The following PCDHGA12 variants were observed in gnomAD, a reference collection of about 807,000 sequenced individuals.
PCDHGA12 encodes protocadherin gamma subfamily A, 12, also known as protocadherin gamma-A12.
A neutral mutation model predicts 61.1 loss-of-function variants in PCDHGA12; 43 were observed. The ratio of observed to expected loss-of-function variants is 0.70; its 90% CI spans 0.55 to 0.91. The LOEUF (loss-of-function observed/expected upper bound fraction) is 0.91, where lower values mean the gene tolerates loss of function less well. Among genes scored for constraint, PCDHGA12 ranks in the 40% least tolerant of loss-of-function variants. PCDHGA12 has a pLI of 0.00. For synonymous variants in PCDHGA12, 520 were observed against 542.9 expected, an observed-to-expected ratio of 0.96 and a Z score of 0.59; for missense variants, 1,236 against 1,227.7, an observed-to-expected ratio of 1.01 and a Z score of -0.10.
intron 3 of PCDHGA12, chr5:141,508,179 AG>A (rs1250335236): frequency 1.3e-5 from 2 of 152,326 alleles, no homozygotes; most frequent in Non-Finnish European, 2.9e-5. Flanking sequence ...ACAGGAGAGA[AG>A]GCATCACCCC....
intron 1 of PCDHGA12, among the ~76,000 whole-genome samples, chr5:141,454,491 C>T (rs956727548): frequency 6.6e-6 from 1 of 152,194 alleles, no homozygotes; most frequent in South Asian, 2.1e-4. Context: ...ACCGCAACCT[C>T]CACCTCCTGG....
chr5:141,484,949 A>C, intron 1 of PCDHGA12: 1 of 557,400 alleles, frequency 1.8e-6, no homozygotes, highest in Non-Finnish European at 3.2e-6. Context: ...TGCTCAGCCT[A>C]TTGGCTGAGC....
chr5:141,447,954 C>T (rs927510517), intron 1 of PCDHGA12, among the ~76,000 whole-genome samples: 11 of 151,814 alleles, frequency 7.2e-5, no homozygotes, highest in Non-Finnish European at 1.2e-4. Flanking sequence ...GGCATGGTGG[C>T]GGACACCTAT....
At chr5:141,504,364 G>A (rs764741297) in intron 2 of PCDHGA12, among the ~76,000 whole-genome samples, 2 of 152,116 alleles carry the variant, frequency 1.3e-5, no homozygotes, top group African/African-American at 2.4e-5. Flanking sequence ...GCTTCAGTAG[G>A]AAGCAGGTGG....
At chr5:141,447,084 T>A (rs2098525776) in intron 1 of PCDHGA12, among the ~76,000 whole-genome samples, 1 of 152,186 alleles carries the variant, frequency 6.6e-6, no homozygotes, top group Non-Finnish European at 1.5e-5. Flanking sequence ...TTTTGTTGTT[T>A]AATTTTCTTT....
chr5:141,457,944 C>A (rs761151349), intron 1 of PCDHGA12, among the ~76,000 whole-genome samples: 33 of 152,310 alleles, frequency 2.2e-4, no homozygotes, highest in Non-Finnish European at 4.6e-4. Context: ...ATTGGCTCTG[C>A]ATGTCAAGCT....
chr5:141,454,587 G>A (rs1000852095), intron 1 of PCDHGA12, among the ~76,000 whole-genome samples: 22 of 150,902 alleles, frequency 1.5e-4, no homozygotes, highest in African/African-American at 5.4e-4. Context: ...TGTATTTTTA[G>A]TAGAGACAGG....
rs1280755615 is a variant in PCDHGA12, at chr5:141,431,629, A to G, written c.870A>G (p.Gln290=). 1 of 1,614,246 alleles carries G rather than the reference A, an allele frequency of 6.2e-7. No individual in the cohort carries two copies. ...GGTATGTGGACGACAAGGCGGCCCA[A>G]GTTTTCAAACTAGATTGTAATTCAG... ...SFRYVDDKAA[Q]VFKLDCNSGT... is the part of the protein sequence containing the mutation. Residue 290 remains glutamine (Q), a synonymous_variant, in exon 1 of 4, where the codon CAA becomes CAG. Transcript: ENST00000252085. The surrounding 1 kb of genome is among the most constrained non-coding windows in gnomAD (Gnocchi z 4.8).
Position 141,490,220 on chromosome 5 carries a change from A to G in PCDHGA12, c.2425-4587A>G. 6.2e-7 allele frequency: 1 copy of G among 1,614,252 alleles called. No individual in the cohort carries two copies. Among genetic ancestry groups the G allele is most frequent in the Non-Finnish European group, 8.5e-7 (1 of 1,180,044 alleles). On this transcript the variant is annotated intron_variant, in intron 1 of 3. Coordinates refer to ENST00000252085, the MANE Select transcript of PCDHGA12 (RefSeq NM_003735.3). This position sits in a 1 kb window ranked among gnomAD's most constrained non-coding sequence, Gnocchi z 5.4. The stretch of plus-strand genomic sequence containing the variant: ...CATGCAAGAGCCCGTGACCAGGGAC[A>G]GCCTGCCATGGAGGGCCACTGTGTG...
chr5:141,490,128 C>T lies in PCDHGA12; in HGVS notation c.2425-4679C>T, dbSNP rs970815408. 1.2e-6 allele frequency: 2 copies of T among 1,614,254 alleles called. No homozygotes were observed. Among genetic ancestry groups the T allele is most frequent in the Non-Finnish European group, 8.5e-7 (1 of 1,180,042 alleles). ...CAGTGCGGAACCTCTTTGGCCTAGA[C>T]CCTAGCAGTGGGGCAATCCATGTGT... On this transcript the variant is annotated intron_variant, in intron 1 of 3. Transcript: ENST00000252085. The surrounding 1 kb of genome is among the most constrained non-coding windows in gnomAD (Gnocchi z 5.4).
Position 141,432,248 on chromosome 5 carries a change from C to T in PCDHGA12, c.1489C>T (p.Gln497Ter). ...ITYSLAENTI[Q>*]GASLSSYVSI... Reference sequence around the variant, plus strand: ...TTATTCCCTGGCTGAGAACACCATCCAAGGGGCAAGCCTATCGTCCTACGT... The same window carrying T: ...TTATTCCCTGGCTGAGAACACCATCTAAGGGGCAAGCCTATCGTCCTACGT... The change falls in exon 1 of 4, where the codon CAA (glutamine) becomes TAA (stop). Residue 497 changes from glutamine to a stop codon, truncating the protein, a stop_gained. Transcript: ENST00000252085. LOFTEE classifies it high-confidence loss of function. This position sits in a 1 kb window ranked among gnomAD's most constrained non-coding sequence, Gnocchi z 6.0. 1.2e-6 allele frequency: 2 copies of T among 1,614,244 alleles called. No individual in the cohort carries two copies. Among genetic ancestry groups the T allele is most frequent in the South Asian group, 1.1e-5 (1 of 91,090 alleles).
chr5:141,454,076 T>A (rs190918056), intron 1 of PCDHGA12, among the ~76,000 whole-genome samples: 2 of 152,352 alleles, frequency 1.3e-5, no homozygotes, highest in East Asian at 3.8e-4. Flanking sequence ...TGATAATGTT[T>A]TCAGTGAAAT....
intron 1 of PCDHGA12, among the ~76,000 whole-genome samples, chr5:141,471,145 G>T (rs569617031): frequency 3.4e-4 from 50 of 148,740 alleles, no homozygotes; most frequent in Non-Finnish European, 5.4e-4. Flanking sequence ...TGCCTCCTGG[G>T]TTCAAGTGAT....
Position 141,490,270 on chromosome 5 carries a change from A to G in PCDHGA12, c.2425-4537A>G. On this transcript the variant is annotated intron_variant, in intron 1 of 3. Coordinates refer to ENST00000252085, the MANE Select transcript of PCDHGA12 (RefSeq NM_003735.3). The surrounding 1 kb of genome is among the most constrained non-coding windows in gnomAD (Gnocchi z 5.4). The stretch of plus-strand genomic sequence containing the variant: ...GATTCAAGTGGATGTGGGGGATGTC[A>G]ATGACAATGCCCCAGAGGTGCTATT... The G allele has an allele frequency of 6.2e-7, 1 of 1,614,226 alleles. No individual in the cohort carries two copies. Among genetic ancestry groups the G allele is most frequent in the African/African-American group, 1.3e-5 (1 of 75,060 alleles).
chr5:141,433,408 A>ATCTATCTATCT (rs1413347413), intron 1 of PCDHGA12, among the ~76,000 whole-genome samples: 6 of 127,280 alleles, frequency 4.7e-5, no homozygotes, highest in African/African-American at 1.8e-4. Context: ...TCTATCTATT[A>ATCTATCTATCT]CTTTCTTGTA....
Position 141,487,176 on chromosome 5 carries a change from A to G in PCDHGA12, c.2425-7631A>G. On this transcript the variant is annotated intron_variant, in intron 1 of 3. Coordinates refer to ENST00000252085, the MANE Select transcript of PCDHGA12 (RefSeq NM_003735.3). The surrounding 1 kb of genome is among the most constrained non-coding windows in gnomAD (Gnocchi z 5.0). ...ACTCTCTTAGTGTCCTTAGAGGAAGACACTCATCCAGTTGTCCCAGATCTT... is the reference window on the plus strand; with the variant it reads ...ACTCTCTTAGTGTCCTTAGAGGAAGGCACTCATCCAGTTGTCCCAGATCTT... 1 of 1,613,774 alleles carries G rather than the reference A, an allele frequency of 6.2e-7. No homozygotes were observed. The highest frequency in any genetic ancestry group is 8.5e-7 in the Non-Finnish European group (1 of 1,179,664).
intron 1 of PCDHGA12, among the ~76,000 whole-genome samples, chr5:141,472,935 A>G (rs1593400204): frequency 6.6e-6 from 1 of 150,778 alleles, no homozygotes; most frequent in East Asian, 1.9e-4. Context: ...GTGGTGAGCC[A>G]AGATTATGCC....
rs765353257 is a variant in PCDHGA12 at position 141,431,824 on chromosome 5, G to A, written c.1065G>A (p.Ser355=). The change falls in exon 1 of 4, where the codon TCG becomes TCA. Residue 355 remains serine, a synonymous_variant. Coordinates refer to ENST00000252085, the MANE Select transcript of PCDHGA12 (RefSeq NM_003735.3). The surrounding 1 kb of genome is among the most constrained non-coding windows in gnomAD (Gnocchi z 4.8). The part of the protein sequence containing the change: ...PEVVLTSLAS[S]VPENSPRGTL... ...TGGTCCTCACCTCTCTCGCCAGCTC[G>A]GTTCCCGAAAACTCTCCCAGAGGGA... is the stretch of plus-strand genomic sequence containing the variant. The A allele has an allele frequency of 1.3e-5, 21 of 1,614,092 alleles. No homozygotes were observed. In the South Asian group the frequency reaches 2.1e-4, roughly 16 times the overall value.
In PCDHGA12 at chr5:141,431,628, A is replaced by C. The variant is rs1204083567; in HGVS notation, c.869A>C (p.Gln290Pro). Reference sequence around the variant, plus strand: ...CGGTATGTGGACGACAAGGCGGCCCAAGTTTTCAAACTAGATTGTAATTCA... The same window carrying C: ...CGGTATGTGGACGACAAGGCGGCCCCAGTTTTCAAACTAGATTGTAATTCA... Reference protein sequence around the residue: ...SFRYVDDKAAQVFKLDCNSGT... With the variant: ...SFRYVDDKAAPVFKLDCNSGT... The change falls in exon 1 of 4, where the codon CAA becomes CCA. Residue 290 changes from glutamine to proline, a missense_variant. Physicochemically the swap from Gln to Pro is moderately conservative, Grantham distance 76. Coordinates refer to ENST00000252085, the MANE Select transcript of PCDHGA12 (RefSeq NM_003735.3). The surrounding 1 kb of genome is among the most constrained non-coding windows in gnomAD (Gnocchi z 4.8). 1 of 1,614,256 alleles carries C rather than the reference A, an allele frequency of 6.2e-7. No individual in the cohort carries two copies. The highest frequency in any genetic ancestry group is 8.5e-7 in the Non-Finnish European group (1 of 1,180,050).
Sources: allele counts gnomAD v4.1 joint callset (sites outside exome capture counted in the v4.1 genomes callset), GRCh38; gene constraint gnomAD v4.1.1; non-coding constraint Gnocchi (gnomAD v3.1); transcripts MANE v1.5; gene names NCBI Gene and HGNC (gene_info 2026-07-23, HGNC 2026-07-21).